The following FRMD1 variants were observed in gnomAD, a reference collection of about 807,000 sequenced individuals.
FRMD1 encodes the protein FERM domain containing 1.
A neutral mutation model predicts 54.9 loss-of-function variants in FRMD1; 51 were observed. The observed-to-expected ratio is 0.93, with a 90% CI of 0.74 to 1.17. FRMD1 has a LOEUF of 1.17. FRMD1 is among the 50% of genes most tolerant of loss of function. The probability of loss-of-function intolerance (pLI) is 0.00; values close to 1 mark genes in which losing one functional copy is unlikely to be tolerated. For synonymous variants in FRMD1, 324 were observed against 306.4 expected (o/e 1.06, Z -0.60); for missense variants, 729 against 743.0 (o/e 0.98, Z 0.22).
intron 2 of FRMD1, among the ~76,000 whole-genome samples, chr6:168,074,792 TG>T (rs1800498148): frequency 6.7e-6 from 1 of 149,160 alleles, no homozygotes; most frequent in African/African-American, 2.5e-5. Flanking sequence ...CTGGTGTGTG[TG>T]TGCATGTGTG....
chr6:168,075,236 G>C lies in FRMD1; in HGVS notation c.304+9C>G. The C allele has an allele frequency of 1.2e-6, 2 of 1,612,344 alleles. No individual in the cohort carries two copies. The highest frequency in any genetic ancestry group is 1.7e-6 in the Non-Finnish European group (2 of 1,178,932). ...GCATTCCTGCAGGTGGGGACTGAGCGATGCTTACTTCTGACCACACAGAGG... is the reference window on the plus strand; with the variant it reads ...GCATTCCTGCAGGTGGGGACTGAGCCATGCTTACTTCTGACCACACAGAGG... On this transcript the variant is annotated intron_variant, in intron 2 of 10. Transcript: ENST00000283309.
chr6:168,060,900 G>A lies in FRMD1; in HGVS notation c.1203C>T (p.Ile401=). The A allele has an allele frequency of 6.2e-7, 1 of 1,613,880 alleles. No homozygotes were observed. The highest frequency in any genetic ancestry group is 1.3e-5 in the African/African-American group (1 of 75,078). ...ATTCCCTGAGCCAGGAGTTGGCCTT[G>A]ATGCCTGACGTGTAGGAACTGCCGT... ...DSHGSSYTSG[I]KANSWLRESR... is the part of the protein sequence containing the mutation. Residue 401 remains isoleucine (I), a synonymous_variant, in exon 9 of 11, where the codon ATC becomes ATT. Transcript: ENST00000283309.
intron 1 of FRMD1, chr6:168,075,852 C>G (rs1173310247): frequency 1.3e-6 from 2 of 1,515,214 alleles, no homozygotes; most frequent in Admixed American, 2.0e-5. Context: ...TCCGGCGTCC[C>G]GTGTCCACAT....
At position 168,065,801 on chromosome 6, in the gene FRMD1, C is replaced by T. The variant is rs1458724526; in HGVS notation, c.462-744G>A. ...CCCCCTAGAACCTTCCACACAACCG[C>T]ACACATGCCTTTTGGAACTGGCAGG... On this transcript the variant is annotated intron_variant, in intron 4 of 10. Transcript: ENST00000283309. The T allele has an allele frequency of 8.0e-6, 8 of 998,998 alleles. No homozygotes were observed. The African/African-American group carries it at 1.2e-4, about 15-fold the overall frequency. 61.9% of individuals were successfully genotyped at this position (998,998 alleles called of 1,614,324 possible). A position where few individuals can be genotyped will look rare whatever the true frequency, so the allele number is the denominator to read the frequency against.
intron 1 of FRMD1, among the ~76,000 whole-genome samples, chr6:168,088,542 C>T (rs1244185945): frequency 6.6e-6 from 1 of 152,204 alleles, no homozygotes; most frequent in Non-Finnish European, 1.5e-5. Context: ...GCTGCTGCCG[C>T]TGTTAACTCA....
intron 1 of FRMD1, among the ~76,000 whole-genome samples, chr6:168,090,051 G>A (rs887398237): frequency 1.3e-4 from 20 of 152,188 alleles, no homozygotes; most frequent in African/African-American, 3.9e-4. Flanking sequence ...TCCACCCCGC[G>A]TCCAGACAGT....
chr6:168,059,162 C>T lies in FRMD1; in HGVS notation c.1369G>A (p.Val457Ile). ...QATRQEPCTQ[V>I]RTRGQSAEAV... is the part of the protein sequence containing the mutation. Reference sequence around the variant, plus strand: ...TCGGCGCTCTGGCCTCTGGTCCTGACCTGGGTGCAGGGCTCCTGACGAGTG... The same window carrying T: ...TCGGCGCTCTGGCCTCTGGTCCTGATCTGGGTGCAGGGCTCCTGACGAGTG... Residue 457 changes from valine to isoleucine, a missense_variant, in exon 10 of 11, where the codon GTC becomes ATC. Physicochemically the swap from Val to Ile is conservative, Grantham distance 29 (BLOSUM62 3). Transcript: ENST00000283309. This position sits in a 1 kb window ranked among gnomAD's most constrained non-coding sequence, Gnocchi z 4.4. The T allele has an allele frequency of 1.9e-6, 3 of 1,588,254 alleles. No individual in the cohort carries two copies. The highest frequency in any genetic ancestry group is 2.7e-5 in the African/African-American group (2 of 74,820).
At chr6:168,088,656 T>G (rs1201142528) in intron 1 of FRMD1, among the ~76,000 whole-genome samples, 2 of 152,024 alleles carry the variant, frequency 1.3e-5, no homozygotes, top group African/African-American at 4.8e-5. Context: ...GCCAGGCAGG[T>G]GGGAGGGCTG....
At position 168,056,086 on chromosome 6, in the gene FRMD1, G is replaced by T. The variant is rs1799388114; in HGVS notation, c.*1011C>A. On this transcript the variant is annotated 3_prime_UTR_variant, in exon 11 of 11. Transcript: ENST00000283309. ...GTGCTCTGGGATGGGCCTGAGACTA[G>T]CAGGGATGCACGGGCCATTCCTCTA... 1 of 152,446 alleles carries T rather than the reference G, an allele frequency of 6.6e-6. No individual in the cohort carries two copies. The highest frequency in any genetic ancestry group is 2.4e-5 in the African/African-American group (1 of 41,476). The allele number at this position is 152,446 out of a possible 1,614,324, so 9.4% of individuals were successfully genotyped here. A position where few individuals can be genotyped will look rare whatever the true frequency, so the allele number is the denominator to read the frequency against.
chr6:168,065,534 C>T, intron 4 of FRMD1: 5 of 988,340 alleles, frequency 5.1e-6, no homozygotes, highest in Non-Finnish European at 6.0e-6. Context: ...GCCCAAGATG[C>T]AGGTGCAAGA....
At chr6:168,083,402 G>A (rs945485014), upstream of FRMD1, among the ~76,000 whole-genome samples, 2 of 152,218 alleles carry the variant, frequency 1.3e-5, no homozygotes, top group Non-Finnish European at 2.9e-5. Flanking sequence ...CAGCGGTGCC[G>A]GCAGGAACCG....
intron 1 of FRMD1, among the ~76,000 whole-genome samples, chr6:168,078,010 A>G (rs1800671291): frequency 2.6e-5 from 4 of 152,218 alleles, no homozygotes; most frequent in Non-Finnish European, 5.9e-5. Context: ...AGAGACTCCC[A>G]GATTCCCAGG....
At chr6:168,084,993 G>T (rs11752634), upstream of FRMD1, among the ~76,000 whole-genome samples, 7,360 of 152,266 alleles carry the variant, frequency 0.048, 258 homozygotes, top group South Asian at 0.079. Context: ...CGTGGACGTG[G>T]GTGTCACTCC....
intron 10 of FRMD1, 95 bp from the exon 11 acceptor site, chr6:168,057,434 T>C: frequency 1.3e-6 from 2 of 1,527,872 alleles, no homozygotes. Context: ...AGAGCCACAC[T>C]CCCTGCCAAT....
chr6:168,080,869 G>GCGC (rs1404617752), upstream of FRMD1, among the ~76,000 whole-genome samples: 14 of 151,626 alleles, frequency 9.2e-5, no homozygotes, highest in African/African-American at 3.4e-4. Flanking sequence ...GTGTGTGCGG[G>GCGC]TGCTGGTGTG....
At chr6:168,089,929 C>T (rs915971756) in intron 1 of FRMD1, among the ~76,000 whole-genome samples, 4 of 152,180 alleles carry the variant, frequency 2.6e-5, no homozygotes, top group Non-Finnish European at 5.9e-5. Flanking sequence ...ATTTAAGGGA[C>T]GTGCTGCCCT....
Position 168,078,942 on chromosome 6 carries a change from C to T in FRMD1, c.153G>A (p.Ser51=), listed in dbSNP as rs760141526. 2.9e-5 allele frequency: 47 copies of T among 1,609,436 alleles called. No homozygotes were observed. Among genetic ancestry groups the T allele is most frequent in the Middle Eastern group, 1.6e-4 (1 of 6,078 alleles). ...EPTLGMDAMA[S]EHRDVLVLLP... The stretch of plus-strand genomic sequence containing the variant: ...GCAGCACGAGGACATCCCTGTGTTC[C>T]GAGGCCATCGCGTCCATTCCCAGGG... The change falls in exon 1 of 11, where the codon TCG becomes TCA. Residue 51 remains serine (S), a synonymous_variant. Transcript: ENST00000283309.
chr6:168,078,456 A>T (rs1200755207), intron 1 of FRMD1, among the ~76,000 whole-genome samples: 3 of 152,076 alleles, frequency 2.0e-5, no homozygotes, highest in Non-Finnish European at 4.4e-5. Context: ...ACCTGGCCTA[A>T]GCAGAGTGAG....
At position 168,057,111 on chromosome 6, in the gene FRMD1, C is replaced by T; in HGVS notation, c.1636G>A (p.Glu546Lys). Residue 546 changes from glutamate to lysine, a missense_variant, in exon 11 of 11, where the codon GAG becomes AAG. Coordinates refer to ENST00000283309, the MANE Select transcript of FRMD1 (RefSeq NM_024919.6). ...GTGGGTGGTGCCTACACCACAAACT[C>T]CTGTGGTGGAGCCTCTCCGAACAGG... The part of the protein sequence containing the change: ...LDLFGEAPPQ[E>K]FVV 6.7e-7 allele frequency: 1 copy of T among 1,487,630 alleles called. No homozygotes were observed. The highest frequency in any genetic ancestry group is 9.0e-7 in the Non-Finnish European group (1 of 1,115,192). 92.2% of individuals were successfully genotyped at this position (1,487,630 alleles called of 1,614,324 possible). A position where few individuals can be genotyped will look rare whatever the true frequency, so the allele number is the denominator to read the frequency against.
Sources: gnomAD v4.1 joint callset for allele counts (sites outside exome capture counted in the v4.1 genomes callset) on GRCh38, gnomAD v4.1.1 for gene constraint, Gnocchi (gnomAD v3.1) non-coding constraint, MANE v1.5 for transcripts, NCBI Gene and HGNC (gene_info 2026-07-23, HGNC 2026-07-21) for gene names.